The following ZNF805 variants were observed in gnomAD, a reference collection of about 807,000 sequenced individuals.
The protein encoded by ZNF805 is zinc finger protein 805, also known as CTC-444N24.8.
Under a neutral mutation model 13.6 loss-of-function variants are expected in ZNF805, and 7 were observed. That is an observed-to-expected ratio of 0.51 (90% CI 0.29 to 0.97). The LOEUF is 0.97. ZNF805 is among the 50% of genes least tolerant of loss of function. The pLI, the probability that ZNF805 is intolerant of heterozygous loss-of-function variation, is 0.08. For missense variants in ZNF805, 604 were observed against 771.0 expected, an observed-to-expected ratio of 0.78 and a Z score of 2.57; for synonymous variants, 293 against 279.8, an observed-to-expected ratio of 1.05 and a Z score of -0.47.
intron 3 of ZNF805, among the ~76,000 whole-genome samples, chr19:57,250,062 G>A (rs915440652): frequency 3.9e-4 from 59 of 152,388 alleles, no homozygotes; most frequent in Non-Finnish European, 7.8e-4. Context: ...CCAAGTTTCC[G>A]TGAATGGTTC....
At position 57,256,069 on chromosome 19, in the gene ZNF805, TCCA is replaced by T. The variant is rs2087685672; in HGVS notation, c.*1370_*1372del. Among the ~76,000 whole-genome samples, 2 of 152,262 alleles carry T rather than the reference TCCA, an allele frequency of 1.3e-5. No individual in the cohort carries two copies. Among genetic ancestry groups the T allele is most frequent in the African/African-American group, 2.4e-5 (1 of 41,576 alleles). ...GTTGAATTTTGTCATATGCTTTTTC[TCCA>T]CCAATTGATTTAATTATGTGATGTT... On this transcript the variant is annotated 3_prime_UTR_variant, in exon 4 of 4. Transcript: ENST00000414468.
rs1412485369 is a variant in ZNF805 at position 57,262,330 on chromosome 19, G to A, written c.*7627G>A. The A allele has an allele frequency of 6.1e-6, 1 of 163,830 alleles. No individual in the cohort carries two copies. The highest frequency in any genetic ancestry group is 1.5e-5 in the Non-Finnish European group (1 of 67,540). The allele number at this position is 163,830 out of a possible 1,614,324, so 10.1% of individuals were successfully genotyped here. ...AGCTTTGAGATGAAGGCTTATATACGTGTAAACCATTGTAACCAAGAAAAA... is the reference window on the plus strand; with the variant it reads ...AGCTTTGAGATGAAGGCTTATATACATGTAAACCATTGTAACCAAGAAAAA... On this transcript the variant is annotated 3_prime_UTR_variant, in exon 4 of 4. Coordinates refer to ENST00000414468, the MANE Select transcript of ZNF805 (RefSeq NM_001023563.4).
At position 57,259,344 on chromosome 19, in the gene ZNF805, C is replaced by G. The variant is rs925331333; in HGVS notation, c.*4641C>G. Among the ~76,000 whole-genome samples, 1 of 151,654 alleles carries G rather than the reference C, an allele frequency of 6.6e-6. No individual in the cohort carries two copies. The highest frequency in any genetic ancestry group is 2.1e-4 in the South Asian group (1 of 4,784). ...TTCATGTTTACCCCCTTTTTCTGGT[C>G]TATTTTTCCCTTTTTTTCATATTGG... On this transcript the variant is annotated 3_prime_UTR_variant, in exon 4 of 4. Coordinates refer to ENST00000414468, the MANE Select transcript of ZNF805 (RefSeq NM_001023563.4).
In ZNF805 at chr19:57,253,757, A is replaced by G. The variant is rs946737046; in HGVS notation, c.938A>G (p.Lys313Arg). 1.2e-6 allele frequency: 2 copies of G among 1,613,606 alleles called. No homozygotes were observed. Among genetic ancestry groups the G allele is most frequent in the Non-Finnish European group, 1.7e-6 (2 of 1,179,934 alleles). The stretch of plus-strand genomic sequence containing the variant: ...CATAACAGGAGCCACACTGGAGAAA[A>G]ACCCTTTGTGTGCAAAGAGTGTGGC... The part of the protein sequence containing the change: ...VLHNRSHTGE[K>R]PFVCKECGKA... Residue 313 changes from lysine (K) to arginine (R), a missense_variant, in exon 4 of 4, where the codon AAA (lysine) becomes AGA (arginine). Coordinates refer to ENST00000414468, the MANE Select transcript of ZNF805 (RefSeq NM_001023563.4). The surrounding 1 kb of genome is among the most constrained non-coding windows in gnomAD (Gnocchi z 4.4).
rs771517706 is a variant in ZNF805 at position 57,260,367 on chromosome 19, C to G, written c.*5664C>G. Among the ~76,000 whole-genome samples the G allele has an allele frequency of 6.6e-6, 1 of 152,208 alleles. No individual in the cohort carries two copies. Among genetic ancestry groups the G allele is most frequent in the Admixed American group, 6.5e-5 (1 of 15,282 alleles). On this transcript the variant is annotated 3_prime_UTR_variant, in exon 4 of 4. Coordinates refer to ENST00000414468, the MANE Select transcript of ZNF805 (RefSeq NM_001023563.4). ...TCTTCCACACACATGCCCTGAGTAA[C>G]TATTCTGTGCACTGTCGCCACCCCT...
Position 57,257,038 on chromosome 19 carries a change from C to T in ZNF805, c.*2335C>T, listed in dbSNP as rs2087691533. On this transcript the variant is annotated 3_prime_UTR_variant, in exon 4 of 4. Coordinates refer to ENST00000414468, the MANE Select transcript of ZNF805 (RefSeq NM_001023563.4). The stretch of plus-strand genomic sequence containing the variant: ...TGCCTGATTCCTTTTGAGACATCTT[C>T]TCTAACCCAGGAATTATTTAGAAGT... Among the ~76,000 whole-genome samples the T allele has an allele frequency of 6.6e-6, 1 of 152,142 alleles. No individual in the cohort carries two copies. The highest frequency in any genetic ancestry group is 1.5e-5 in the Non-Finnish European group (1 of 68,018).
chr19:57,244,453 C>T (rs1041242145), intron 2 of ZNF805, among the ~76,000 whole-genome samples: 3 of 151,802 alleles, frequency 2.0e-5, no homozygotes, highest in Non-Finnish European at 2.9e-5. Context: ...TCAGGTGATC[C>T]GCCCGCCTCG....
chr19:57,253,523 AGT>A lies in ZNF805; in HGVS notation c.708_709del (p.Cys236TrpfsTer5). 1 of 1,612,288 alleles carries A rather than the reference AGT, an allele frequency of 6.2e-7. No individual in the cohort carries two copies. Among genetic ancestry groups the A allele is most frequent in the Non-Finnish European group, 8.5e-7 (1 of 1,179,058 alleles). On this transcript the variant is annotated frameshift_variant, in exon 4 of 4. Transcript: ENST00000414468. LOFTEE classifies it high-confidence loss of function. The surrounding 1 kb of genome is among the most constrained non-coding windows in gnomAD (Gnocchi z 4.4). ...GGAGTGAAGCCCTATGAATGCACAG[AGT>A]GTGGAAAAACCTTTAGCAAGAGTAC...
At chr19:57,241,423 T>G (rs2087579281) in intron 1 of ZNF805, among the ~76,000 whole-genome samples, 1 of 152,068 alleles carries the variant, frequency 6.6e-6, no homozygotes, top group African/African-American at 2.4e-5. Flanking sequence ...GATGCCCCAC[T>G]TCTAGTTAGC....
In ZNF805 at chr19:57,256,749, T is replaced by C. The variant is rs1256800917; in HGVS notation, c.*2046T>C. Among the ~76,000 whole-genome samples the C allele has an allele frequency of 6.6e-6, 1 of 152,166 alleles. No individual in the cohort carries two copies. Among genetic ancestry groups the C allele is most frequent in the Non-Finnish European group, 1.5e-5 (1 of 67,992 alleles). ...AATTTCATTGATCATTTCAAAGAAATAGCACTTTATATCACTGATTTTTCT... is the reference window on the plus strand; with the variant it reads ...AATTTCATTGATCATTTCAAAGAAACAGCACTTTATATCACTGATTTTTCT... On this transcript the variant is annotated 3_prime_UTR_variant, in exon 4 of 4. Coordinates refer to ENST00000414468, the MANE Select transcript of ZNF805 (RefSeq NM_001023563.4).
chr19:57,250,527 C>T (rs1422733807), intron 3 of ZNF805, among the ~76,000 whole-genome samples: 2 of 151,454 alleles, frequency 1.3e-5, no homozygotes, highest in Non-Finnish European at 2.9e-5. Context: ...ACACCGGGCC[C>T]GGCCCCCTTA....
chr19:57,243,077 G>A (rs934500665), intron 1 of ZNF805, among the ~76,000 whole-genome samples: 9 of 152,144 alleles, frequency 5.9e-5, no homozygotes, highest in Admixed American at 3.9e-4. Context: ...ATAGTTGGGC[G>A]CAGTGGTGCG....
Position 57,255,531 on chromosome 19 carries a change from T to C in ZNF805, c.*828T>C, listed in dbSNP as rs2087682696. Reference sequence around the variant, plus strand: ...AATTTTCTTTGATATATTTCATTACTGTTTTATAGTTTACACAGTATAACT... The same window carrying C: ...AATTTTCTTTGATATATTTCATTACCGTTTTATAGTTTACACAGTATAACT... On this transcript the variant is annotated 3_prime_UTR_variant, in exon 4 of 4. Coordinates refer to ENST00000414468, the MANE Select transcript of ZNF805 (RefSeq NM_001023563.4). Among the ~76,000 whole-genome samples the C allele has an allele frequency of 6.6e-6, 1 of 152,208 alleles. No individual in the cohort carries two copies. The highest frequency in any genetic ancestry group is 2.1e-4 in the South Asian group (1 of 4,836).
chr19:57,257,687 A>T lies in ZNF805; in HGVS notation c.*2984A>T, dbSNP rs2087695941. ...ATATTTGGGCTGTGGTTTTATATCCAGTTTGCGTATCTTTTTTTTTTTTTT... is the reference window on the plus strand; with the variant it reads ...ATATTTGGGCTGTGGTTTTATATCCTGTTTGCGTATCTTTTTTTTTTTTTT... On this transcript the variant is annotated 3_prime_UTR_variant, in exon 4 of 4. Coordinates refer to ENST00000414468, the MANE Select transcript of ZNF805 (RefSeq NM_001023563.4). Among the ~76,000 whole-genome samples, 2 of 141,306 alleles carry T rather than the reference A, an allele frequency of 1.4e-5. No homozygotes were observed. The highest frequency in any genetic ancestry group is 7.1e-5 in the Admixed American group (1 of 14,128). The allele number at this position is 141,306 out of a possible 152,430, so 92.7% of individuals were successfully genotyped here. A position where few individuals can be genotyped will look rare whatever the true frequency, so the allele number is the denominator to read the frequency against.
chr19:57,254,831 G>C lies in ZNF805; in HGVS notation c.*128G>C, dbSNP rs1221296494. 3.1e-6 allele frequency: 3 copies of C among 970,926 alleles called. No individual in the cohort carries two copies. The African/African-American group carries it at 5.0e-5, about 16-fold the overall frequency. The allele number at this position is 970,926 out of a possible 1,614,324, so 60.1% of individuals were successfully genotyped here. A position where few individuals can be genotyped will look rare whatever the true frequency, so the allele number is the denominator to read the frequency against. The stretch of plus-strand genomic sequence containing the variant: ...CACCCAGTGGTTATTACGCACTTGG[G>C]AAAACCTTTAGCTCCATCTTTCTCA... On this transcript the variant is annotated 3_prime_UTR_variant, in exon 4 of 4. Coordinates refer to ENST00000414468, the MANE Select transcript of ZNF805 (RefSeq NM_001023563.4).
intron 3 of ZNF805, among the ~76,000 whole-genome samples, chr19:57,249,516 G>C (rs1436720647): frequency 6.6e-6 from 1 of 152,240 alleles, no homozygotes; most frequent in Non-Finnish European, 1.5e-5. Flanking sequence ...GCCATAGTAA[G>C]TGACTTATCA....
rs902445143 is a variant in ZNF805, at chr19:57,256,965, T to C, written c.*2262T>C. ...TTTTCTTACACTGCTGTTAGTTTCA[T>C]CCCACAAGTCTTAATATGCTTTTGA... On this transcript the variant is annotated 3_prime_UTR_variant, in exon 4 of 4. Transcript: ENST00000414468. Among the ~76,000 whole-genome samples, 2 of 152,286 alleles carry C rather than the reference T, an allele frequency of 1.3e-5. No homozygotes were observed. The highest frequency in any genetic ancestry group is 2.9e-5 in the Non-Finnish European group (2 of 67,998).
intron 2 of ZNF805, among the ~76,000 whole-genome samples, chr19:57,248,079 C>T (rs1416651747): frequency 1.3e-5 from 2 of 152,110 alleles, no homozygotes; most frequent in Non-Finnish European, 2.9e-5. Context: ...CATGATGGCA[C>T]GCGCCTTTAG....
intron 3 of ZNF805, among the ~76,000 whole-genome samples, chr19:57,249,227 T>C (rs901389384): frequency 1.6e-4 from 25 of 152,066 alleles, no homozygotes; most frequent in African/African-American, 5.3e-4. Context: ...TCATACCCAC[T>C]TCCAGACCTC....
Sources: gnomAD v4.1 joint callset for allele counts (sites outside exome capture counted in the v4.1 genomes callset) on GRCh38, gnomAD v4.1.1 for gene constraint, Gnocchi (gnomAD v3.1) non-coding constraint, MANE v1.5 for transcripts, NCBI Gene and HGNC (gene_info 2026-07-23, HGNC 2026-07-21) for gene names.